Variants in ERBIN observed in about 807,000 individuals in gnomAD.
The protein encoded by ERBIN is densin-180-like protein.
ERBIN carries 60 observed loss-of-function variants against 158.4 expected under a neutral mutation model. The ratio of observed to expected loss-of-function variants is 0.38; its 90% CI spans 0.31 to 0.47. The LOEUF (loss-of-function observed/expected upper bound fraction) is 0.47. Among genes scored for constraint, ERBIN ranks in the 20% least tolerant of loss-of-function variants. The pLI is 0.99. For missense variants in ERBIN, 1,610 were observed against 1,648.0 expected (o/e 0.98, Z 0.40); for synonymous variants, 594 against 557.2 (o/e 1.07, Z -0.93).
intron 1 of ERBIN, among the ~76,000 whole-genome samples, chr5:65,942,433 C>A (rs1745167618): frequency 6.6e-6 from 1 of 152,172 alleles, no homozygotes; most frequent in Admixed American, 6.5e-5. Context: ...TGAGGAAATT[C>A]TGAGTTGATA....
Position 66,014,723 on chromosome 5 carries a change from TA to T in ERBIN, c.533del (p.Thr179LeufsTer2). On this transcript the variant is annotated frameshift_variant and splice_region_variant, in exon 7 of 26. Transcript: ENST00000284037. LOFTEE classifies it high-confidence loss of function. ...LRENQLKMLPKTMNRLTQLER... is the reference protein window; with the variant it reads ...LRENQLKMLPXTMNRLTQLER... ...GAGAAAACCAGTTAAAAATGTTGCC[TA>T]AGTAAGTAAAGGTGCTATTCTTTAA... 1 of 1,423,832 alleles carries T rather than the reference TA, an allele frequency of 7.0e-7. No individual in the cohort carries two copies. Among genetic ancestry groups the T allele is most frequent in the Non-Finnish European group, 9.5e-7 (1 of 1,049,754 alleles). The allele number at this position is 1,423,832 out of a possible 1,614,324, so 88.2% of individuals were successfully genotyped here. A position where few individuals can be genotyped will look rare whatever the true frequency, so the allele number is the denominator to read the frequency against.
chr5:66,075,954 AT>A (rs1231666476), intron 23 of ERBIN, among the ~76,000 whole-genome samples: 2 of 152,200 alleles, frequency 1.3e-5, no homozygotes, highest in Non-Finnish European at 2.9e-5. Flanking sequence ...TGTAATTTAG[AT>A]GTCCCACAAG....
chr5:65,948,622 CAT>C (rs1165266273), intron 1 of ERBIN, among the ~76,000 whole-genome samples: 3 of 151,992 alleles, frequency 2.0e-5, no homozygotes, highest in Non-Finnish European at 2.9e-5. Context: ...ATAACATAGA[CAT>C]AGCCATTTAT....
At chr5:65,936,230 A>G (rs1744068959) in intron 1 of ERBIN, among the ~76,000 whole-genome samples, 1 of 152,090 alleles carries the variant, frequency 6.6e-6, no homozygotes, top group African/African-American at 2.4e-5. Context: ...CTAAAAATGA[A>G]TCTTGTTGCC....
intron 19 of ERBIN, among the ~76,000 whole-genome samples, chr5:66,049,779 C>G (rs981276317): frequency 1.3e-5 from 2 of 151,992 alleles, no homozygotes; most frequent in South Asian, 4.1e-4. Flanking sequence ...GGCTAGAATT[C>G]AGTTAGTTAA....
At chr5:66,048,954 C>T (rs1256747120) in intron 19 of ERBIN, among the ~76,000 whole-genome samples, 173 bp downstream of exon 19, 3 of 151,840 alleles carry the variant, frequency 2.0e-5, no homozygotes, top group African/African-American at 7.3e-5. Flanking sequence ...AGGGAAAGTC[C>T]TTGATAGTCT....
Position 66,054,509 on chromosome 5 carries a change from G to A in ERBIN, c.3191G>A (p.Arg1064Gln), listed in dbSNP as rs779988045. 8.7e-6 allele frequency: 14 copies of A among 1,614,006 alleles called. No homozygotes were observed. The East Asian group carries it at 2.2e-4, about 26-fold the overall frequency. Residue 1064 changes from arginine (R) to glutamine (Q), a missense_variant, in exon 21 of 26, where the codon CGA (arginine) becomes CAA (glutamine). Physicochemically the swap from Arg to Gln is conservative, Grantham distance 43. Coordinates refer to ENST00000284037, the MANE Select transcript of ERBIN (RefSeq NM_001253697.2). Reference protein sequence around the residue: ...GEMWAISPNDRLIPAVTRSTI... With the variant: ...GEMWAISPNDQLIPAVTRSTI... ...ATGTGGGCCATCTCACCAAACGACC[G>A]ACTTATTCCTGCAGTAACTCGAAGT...
rs374877007 is a variant in ERBIN, at chr5:65,967,393, GT to G, written c.-57-21232del. Reference sequence around the variant, plus strand: ...AGCTCTATTTATAATAGGTGTACTAGTTTTTTTTTTATCTTTCATACCATAT... The same window carrying G: ...AGCTCTATTTATAATAGGTGTACTAGTTTTTTTTTATCTTTCATACCATAT... On this transcript the variant is annotated intron_variant, in intron 1 of 25. Transcript: ENST00000284037. Among the ~76,000 whole-genome samples the G allele has an allele frequency of 4.5e-3, 669 of 148,972 alleles. 7 individuals are homozygous for G. The East Asian group carries it at 0.05, about 11-fold the overall frequency.
intron 1 of ERBIN, among the ~76,000 whole-genome samples, chr5:65,964,312 G>A (rs911557581): frequency 2.6e-5 from 4 of 152,180 alleles, no homozygotes; most frequent in African/African-American, 7.2e-5. Context: ...CATTGATTTG[G>A]TGTTGTATCA....
In ERBIN at chr5:66,023,287, C is replaced by T. The variant is rs777901644; in HGVS notation, c.598-3C>T. 3.7e-6 allele frequency: 6 copies of T among 1,611,198 alleles called. No individual in the cohort carries two copies. Among genetic ancestry groups the T allele is most frequent in the Non-Finnish European group, 5.1e-6 (6 of 1,178,118 alleles). ...CTGCTATCCCCTACCCTAATCCCAA[C>T]AGCCTGAAGTACTTGAGCAACTAAG... On this transcript the variant is annotated splice_polypyrimidine_tract_variant and splice_region_variant and intron_variant, in intron 8 of 25. Coordinates refer to ENST00000284037, the MANE Select transcript of ERBIN (RefSeq NM_001253697.2).
chr5:65,931,037 A>T (rs578138558), intron 1 of ERBIN, among the ~76,000 whole-genome samples: 1 of 142,200 alleles, frequency 7.0e-6, no homozygotes, highest in East Asian at 1.9e-4. Context: ...CACTTTGTGG[A>T]AGACGATAGA....
intron 1 of ERBIN, among the ~76,000 whole-genome samples, chr5:65,946,957 A>AT (rs368824685): frequency 0.049 from 7,330 of 148,544 alleles, 427 homozygotes; most frequent in African/African-American, 0.15. Context: ...TTCTAACTGG[A>AT]TTTTTTTTTT....
intron 1 of ERBIN, among the ~76,000 whole-genome samples, chr5:65,928,718 A>G (rs991587906): frequency 3.9e-5 from 6 of 152,170 alleles, no homozygotes; most frequent in African/African-American, 1.4e-4. Flanking sequence ...TCAACAAGGC[A>G]TAATTTACTT....
At chr5:66,071,542 T>C (rs1211041045) in intron 21 of ERBIN, among the ~76,000 whole-genome samples, 1 of 152,182 alleles carries the variant, frequency 6.6e-6, no homozygotes, top group African/African-American at 2.4e-5. Flanking sequence ...TCTGAAACTA[T>C]TGAACTCATA....
chr5:66,082,253 A>G lies in ERBIN; in HGVS notation c.*3723A>G, dbSNP rs908872089. On this transcript the variant is annotated 3_prime_UTR_variant, in exon 26 of 26. Transcript: ENST00000284037. ...AACACCTGAAATTTTTTTTAAGAGA[A>G]CAACCTAGGTTTTATTGTAGAGAAC... 2.0e-5 allele frequency: 3 copies of G among 152,170 alleles called. No homozygotes were observed. The highest frequency in any genetic ancestry group is 4.8e-5 in the African/African-American group (2 of 41,444). 9.4% of individuals were successfully genotyped at this position (152,170 alleles called of 1,614,324 possible). A position where few individuals can be genotyped will look rare whatever the true frequency, so the allele number is the denominator to read the frequency against.
rs546387822 is a variant in ERBIN at position 66,079,785 on chromosome 5, A to G, written c.*1255A>G. ...CTTCCAGAGTCTTTAAAGGGTTTCT[A>G]TGTGTATCAGTGTAATAGTGTTTTA... On this transcript the variant is annotated 3_prime_UTR_variant, in exon 26 of 26. Coordinates refer to ENST00000284037, the MANE Select transcript of ERBIN (RefSeq NM_001253697.2). 2.6e-5 allele frequency: 4 copies of G among 152,672 alleles called. No homozygotes were observed. Among genetic ancestry groups the G allele is most frequent in the East Asian group, 1.9e-4 (1 of 5,186 alleles). 9.5% of individuals were successfully genotyped at this position (152,672 alleles called of 1,614,324 possible).
intron 25 of ERBIN, among the ~76,000 whole-genome samples, chr5:66,077,323 C>T (rs1305702907): frequency 6.6e-6 from 1 of 151,766 alleles, no homozygotes; most frequent in Non-Finnish European, 1.5e-5. Context: ...TTTTCCTGTC[C>T]CCTCCTTTTC....
At chr5:65,944,411 TTTTTG>T (rs1299383981) in intron 1 of ERBIN, among the ~76,000 whole-genome samples, 1 of 152,056 alleles carries the variant, frequency 6.6e-6, no homozygotes, top group Non-Finnish European at 1.5e-5. Flanking sequence ...TGTTTTTTGT[TTTTTG>T]TTTTGAGGCA....
At chr5:65,962,645 G>A (rs1227066226) in intron 1 of ERBIN, among the ~76,000 whole-genome samples, 1 of 151,910 alleles carries the variant, frequency 6.6e-6, no homozygotes, top group Non-Finnish European at 1.5e-5. Flanking sequence ...CCCTCTTTTA[G>A]TAATTTTCAT....
Sources: allele counts gnomAD v4.1 joint callset (sites outside exome capture counted in the v4.1 genomes callset), GRCh38; gene constraint gnomAD v4.1.1; transcripts MANE v1.5; gene names NCBI Gene and HGNC (gene_info 2026-07-23, HGNC 2026-07-21).